Variants in ATP2C1 observed in about 807,000 individuals in gnomAD.
ATP2C1 encodes the protein ATPase secretory pathway Ca2+ transporting 1, also known as calcium-transporting ATPase type 2C member 1.
Under a neutral mutation model 120.5 loss-of-function variants are expected in ATP2C1, and 31 were observed. The ratio of observed to expected loss-of-function variants is 0.26; its 90% CI spans 0.19 to 0.35. The LOEUF is 0.35. ATP2C1 is among the 10% of genes least tolerant of loss of function. The pLI is 1.00. For synonymous variants in ATP2C1, 351 were observed against 358.7 expected (o/e 0.98, Z 0.24); for missense variants, 731 against 1,107.5 (o/e 0.66, Z 4.83).
chr3:130,858,715 C>G (rs2067921637), intron 1 of ATP2C1, among the ~76,000 whole-genome samples: 1 of 152,102 alleles, frequency 6.6e-6, no homozygotes, highest in Admixed American at 6.6e-5. Context: ...TTGAAATAAT[C>G]CTGGATGTTA....
At chr3:130,967,521 A>G in intron 16 of ATP2C1, 102 bp downstream of exon 16, 1 of 921,764 alleles carries the variant, frequency 1.1e-6, no homozygotes, top group Admixed American at 1.9e-5. Context: ...GTATTGAGTG[A>G]AAAAAACTCA....
intron 1 of ATP2C1, among the ~76,000 whole-genome samples, chr3:130,873,938 C>A (rs1389469279): frequency 6.6e-6 from 1 of 151,928 alleles, no homozygotes; most frequent in East Asian, 1.9e-4. Flanking sequence ...GGTGAAACCC[C>A]GTCTCTACTA....
At position 131,001,399 on chromosome 3, in the gene ATP2C1, T is replaced by C. The variant is rs778138582; in HGVS notation, c.*49T>C. 1 of 1,603,234 alleles carries C rather than the reference T, an allele frequency of 6.2e-7. No individual in the cohort carries two copies. Among genetic ancestry groups the C allele is most frequent in the East Asian group, 2.3e-5 (1 of 44,440 alleles). On this transcript the variant is annotated 3_prime_UTR_variant, in exon 28 of 28. Coordinates refer to ENST00000510168, the MANE Select transcript of ATP2C1 (RefSeq NM_001378687.1). ...CAAACTAGGAATTGCAGTCTGAGGA[T>C]CATTTAGAAGGGCAAGTTCAAGAGG...
chr3:130,930,851 C>T (rs1312138659), intron 3 of ATP2C1, among the ~76,000 whole-genome samples: 1 of 152,064 alleles, frequency 6.6e-6, no homozygotes, highest in Non-Finnish European at 1.5e-5. Flanking sequence ...AATAGCTTTT[C>T]TAGGAACTAT....
chr3:130,912,443 G>A (rs1309254946), intron 2 of ATP2C1, among the ~76,000 whole-genome samples: 1 of 151,160 alleles, frequency 6.6e-6, no homozygotes, highest in Non-Finnish European at 1.5e-5. Context: ...GTGGGCGAAA[G>A]ACATGAACAG....
At chr3:130,898,091 G>A (rs961878851) in intron 2 of ATP2C1, among the ~76,000 whole-genome samples, 2 of 152,058 alleles carry the variant, frequency 1.3e-5, no homozygotes, top group African/African-American at 2.4e-5. Flanking sequence ...TTATTTTTTG[G>A]AATAAATTTG....
chr3:130,881,823 A>G (rs914529269), intron 1 of ATP2C1, among the ~76,000 whole-genome samples: 1 of 152,134 alleles, frequency 6.6e-6, no homozygotes, highest in Non-Finnish European at 1.5e-5. Flanking sequence ...TGGCTATTAC[A>G]TGTGGGATTA....
intron 2 of ATP2C1, among the ~76,000 whole-genome samples, chr3:130,911,884 G>A (rs1054781764): frequency 2.1e-5 from 3 of 144,918 alleles, no homozygotes; most frequent in African/African-American, 7.8e-5. Context: ...AAACAGCATG[G>A]TACTGGTACC....
In ATP2C1 at chr3:130,886,510, A is replaced by G. The variant is rs78373363; in HGVS notation, c.108+35582A>G. On this transcript the variant is annotated intron_variant, in intron 1 of 26. Transcript: ENST00000504381. ...TTTAAGGCTATTTTCTAGATCTTATAGCCATGCTTCATTCTTTTTTATCCT... is the reference window on the plus strand; with the variant it reads ...TTTAAGGCTATTTTCTAGATCTTATGGCCATGCTTCATTCTTTTTTATCCT... 5.8e-3 allele frequency among the ~76,000 whole-genome samples: 883 copies of G among 152,300 alleles called. 4 individuals are homozygous for G. Among genetic ancestry groups the G allele is most frequent in the Non-Finnish European group, 8.9e-3 (603 of 68,014 alleles).
Position 130,894,412 on chromosome 3 carries a change from C to T in ATP2C1, c.-181+75C>T. 1 of 1,235,880 alleles carries T rather than the reference C, an allele frequency of 8.1e-7. No individual in the cohort carries two copies. Among genetic ancestry groups the T allele is most frequent in the Non-Finnish European group, 1.0e-6 (1 of 978,022 alleles). 76.6% of individuals were successfully genotyped at this position (1,235,880 alleles called of 1,614,324 possible). A position where few individuals can be genotyped will look rare whatever the true frequency, so the allele number is the denominator to read the frequency against. On this transcript the variant is annotated intron_variant, in intron 1 of 27. Transcript: ENST00000510168. The surrounding 1 kb of genome is among the most constrained non-coding windows in gnomAD (Gnocchi z 4.5). The stretch of plus-strand genomic sequence containing the variant: ...CTGAAGGAAGGGGAGGTTCGGGTAT[C>T]CCCTGGATGGGGGGGCATCTCTAGG...
intron 5 of ATP2C1, 60 bp downstream of exon 5, chr3:130,934,771 T>G (rs1467306603): frequency 4.3e-6 from 5 of 1,174,020 alleles, no homozygotes; most frequent in African/African-American, 1.5e-5. Context: ...GGGATTGGTT[T>G]TTATTTTGGA....
intron 2 of ATP2C1, among the ~76,000 whole-genome samples, chr3:130,926,789 G>A (rs2059228024): frequency 6.6e-6 from 1 of 152,214 alleles, no homozygotes; most frequent in Non-Finnish European, 1.5e-5. Flanking sequence ...CTTTATATGT[G>A]TTCTTTCGCT....
At chr3:130,950,501 T>A (rs1227510762) in intron 8 of ATP2C1, among the ~76,000 whole-genome samples, 1 of 152,182 alleles carries the variant, frequency 6.6e-6, no homozygotes, top group African/African-American at 2.4e-5. Context: ...TAGGCTTGCC[T>A]AATTTATTAA....
downstream of ATP2C1, among the ~76,000 whole-genome samples, chr3:131,006,645 G>A (rs754867251): frequency 9.2e-6 from 1 of 109,246 alleles, no homozygotes; most frequent in African/African-American, 2.8e-5. Context: ...TTGTGTGTGT[G>A]TGTGTGTGTG....
At chr3:130,882,961 G>A (rs1745645) in intron 1 of ATP2C1, among the ~76,000 whole-genome samples, 106,743 of 152,022 alleles carry the variant, frequency 0.7, 38,003 homozygotes, top group Non-Finnish European at 0.76. Flanking sequence ...GAATTCAGCA[G>A]TGAAGCCATC....
Position 131,002,001 on chromosome 3 carries a change from T to C in ATP2C1, c.*651T>C. ...AAATTTTTGTTTTTCTTAGTAAGTGTAAATGGTTGCTTTATTTTTATTTTA... is the reference window on the plus strand; with the variant it reads ...AAATTTTTGTTTTTCTTAGTAAGTGCAAATGGTTGCTTTATTTTTATTTTA... On this transcript the variant is annotated 3_prime_UTR_variant, in exon 28 of 28. Transcript: ENST00000510168. 1 of 983,492 alleles carries C rather than the reference T, an allele frequency of 1.0e-6. No individual in the cohort carries two copies. The highest frequency in any genetic ancestry group is 1.2e-6 in the Non-Finnish European group (1 of 827,774). 60.9% of individuals were successfully genotyped at this position (983,492 alleles called of 1,614,324 possible).
chr3:130,901,406 T>G (rs2057816042), intron 2 of ATP2C1, among the ~76,000 whole-genome samples: 1 of 152,102 alleles, frequency 6.6e-6, no homozygotes, highest in Non-Finnish European at 1.5e-5. Flanking sequence ...TGATTTCATC[T>G]GTTAGAAGAT....
In ATP2C1 at chr3:130,941,246, G is replaced by GTC. The variant is rs1559951526; in HGVS notation, c.423-344_423-343insCT. ...ACAGTGTGTGTGTGTGTGTGTGTGT[G>GTC]TGTGTGTGTGTGTGTGTGTCTGTGT... On this transcript the variant is annotated intron_variant, in intron 7 of 27. Transcript: ENST00000510168. Among the ~76,000 whole-genome samples, 451 of 149,620 alleles carry GTC rather than the reference G, an allele frequency of 3.0e-3. 3 individuals are homozygous for GTC. The highest frequency in any genetic ancestry group is 0.011 in the African/African-American group (428 of 40,428).
At chr3:130,943,632 C>T (rs1168009653) in intron 8 of ATP2C1, among the ~76,000 whole-genome samples, 1 of 152,194 alleles carries the variant, frequency 6.6e-6, no homozygotes, top group Non-Finnish European at 1.5e-5. Flanking sequence ...ACGTTTTATT[C>T]TGCAGTACTG....
Sources: allele counts gnomAD v4.1 joint callset (sites outside exome capture counted in the v4.1 genomes callset), GRCh38; gene constraint gnomAD v4.1.1; non-coding constraint Gnocchi (gnomAD v3.1); transcripts MANE v1.5; gene names NCBI Gene and HGNC (gene_info 2026-07-23, HGNC 2026-07-21).